The following MAP3K20 variants were observed in gnomAD, a reference collection of about 807,000 sequenced individuals.
The protein encoded by MAP3K20 is mitogen-activated protein kinase kinase kinase 20, also known as HCCS-4.
MAP3K20 carries 40 observed loss-of-function variants against 85.7 expected under a neutral mutation model. That is an observed-to-expected ratio of 0.47 (90% CI 0.36 to 0.61). The LOEUF (loss-of-function observed/expected upper bound fraction) is 0.61, where lower values mean the gene tolerates loss of function less well. MAP3K20 is among the 20% of genes least tolerant of loss of function. The pLI, the probability that MAP3K20 is intolerant of heterozygous loss-of-function variation, is 0.00. For missense variants in MAP3K20, 817 were observed against 961.7 expected (o/e 0.85, Z 1.99); for synonymous variants, 325 against 327.7 (o/e 0.99, Z 0.09).
chr2:173,263,603 T>C (rs1685345712), intron 18 of MAP3K20, 142 bp from the exon 19 acceptor site: 5 of 794,980 alleles, frequency 6.3e-6, no homozygotes, highest in South Asian at 3.8e-5. Context: ...TCCTAGTGCA[T>C]TATGATAGTG....
At chr2:173,237,735 G>A (rs1020620832) in intron 14 of MAP3K20, among the ~76,000 whole-genome samples, 1 of 152,202 alleles carries the variant, frequency 6.6e-6, no homozygotes, top group Non-Finnish European at 1.5e-5. Context: ...AAAGTCTGGT[G>A]TTATGTGCTG....
chr2:173,205,549 T>C (rs931570600), intron 9 of MAP3K20, among the ~76,000 whole-genome samples: 1 of 152,200 alleles, frequency 6.6e-6, no homozygotes, highest in East Asian at 1.9e-4. Flanking sequence ...AAGGGACCAG[T>C]GCCATGAAGC....
chr2:173,133,404 CAG>C (rs1248171094), intron 2 of MAP3K20, among the ~76,000 whole-genome samples: 1 of 152,068 alleles, frequency 6.6e-6, no homozygotes, highest in Non-Finnish European at 1.5e-5. Flanking sequence ...GAGTAGATGC[CAG>C]AGTTTGATTT....
intron 1 of MAP3K20, among the ~76,000 whole-genome samples, chr2:173,076,354 C>T (rs1686861590): frequency 2.0e-5 from 3 of 152,098 alleles, no homozygotes; most frequent in Admixed American, 6.5e-5. Context: ...TTCGCGGTCC[C>T]GGGCGTGCGG....
intron 18 of MAP3K20, among the ~76,000 whole-genome samples, chr2:173,263,134 G>C (rs1685333900): frequency 6.6e-6 from 1 of 152,156 alleles, no homozygotes; most frequent in South Asian, 2.1e-4. Flanking sequence ...GGAGATTTCA[G>C]AACAAGAAAG....
intron 2 of MAP3K20, among the ~76,000 whole-genome samples, chr2:173,102,736 T>C (rs1347898459): frequency 6.6e-6 from 1 of 152,176 alleles, no homozygotes; most frequent in Non-Finnish European, 1.5e-5. Context: ...AATCAGCTGA[T>C]CTCACGACAT....
intron 2 of MAP3K20, among the ~76,000 whole-genome samples, chr2:173,110,560 A>G (rs974794544): frequency 1.3e-5 from 2 of 151,942 alleles, no homozygotes; most frequent in Non-Finnish European, 2.9e-5. Context: ...GTAGTCTTCT[A>G]TCCCTTGCCC....
intron 10 of MAP3K20, among the ~76,000 whole-genome samples, chr2:173,213,116 G>C (rs1043998793): frequency 1.3e-5 from 2 of 151,976 alleles, no homozygotes; most frequent in African/African-American, 4.8e-5. Context: ...GTTATCACTG[G>C]GTAATGGGAT....
chr2:173,150,013 A>G (rs1263607043), intron 2 of MAP3K20, among the ~76,000 whole-genome samples: 1 of 152,232 alleles, frequency 6.6e-6, no homozygotes, highest in African/African-American at 2.4e-5. Flanking sequence ...GTTTTGAAAA[A>G]GAATAGTAGT....
intron 2 of MAP3K20, among the ~76,000 whole-genome samples, chr2:173,135,454 T>C (rs781092804): frequency 2.0e-5 from 3 of 152,178 alleles, no homozygotes; most frequent in Admixed American, 1.3e-4. Context: ...TAAGGATTGA[T>C]AGAGGATGAG....
At chr2:173,160,921 C>T (rs1401644813) in intron 2 of MAP3K20, among the ~76,000 whole-genome samples, 1 of 152,170 alleles carries the variant, frequency 6.6e-6, no homozygotes, top group Non-Finnish European at 1.5e-5. Context: ...GAAGCACCTA[C>T]CGTAGCTTTC....
chr2:173,100,204 G>T (rs1360511119), intron 2 of MAP3K20, among the ~76,000 whole-genome samples: 2 of 152,204 alleles, frequency 1.3e-5, no homozygotes, highest in African/African-American at 4.8e-5. Flanking sequence ...TGTAGCTGAT[G>T]CTGTCACTAG....
At chr2:173,165,568 ATC>A (rs2106245136) in intron 2 of MAP3K20, among the ~76,000 whole-genome samples, 1 of 152,356 alleles carries the variant, frequency 6.6e-6, no homozygotes, top group South Asian at 2.1e-4. Flanking sequence ...CTGATCACTC[ATC>A]TCTGCAAAAA....
chr2:173,075,527 C>T (rs75407055), upstream of MAP3K20: 5,351 of 156,856 alleles, frequency 0.034, 126 homozygotes, highest in Admixed American at 0.069. Flanking sequence ...ACAAAACAGC[C>T]TCTATTTCTT....
rs1683860243 is a variant in MAP3K20 at position 173,210,658 on chromosome 2, C to G, written c.851+823C>G. On this transcript the variant is annotated intron_variant, in intron 10 of 19. Coordinates refer to ENST00000375213, the MANE Select transcript of MAP3K20 (RefSeq NM_016653.3). Reference sequence around the variant, plus strand: ...AGGATGAAACATTTGAGCCAGGTCACATGATGCATGACTATAAATAGCATG... The same window carrying G: ...AGGATGAAACATTTGAGCCAGGTCAGATGATGCATGACTATAAATAGCATG... 3 of 152,168 alleles carry G rather than the reference C, an allele frequency of 2.0e-5. No individual in the cohort carries two copies. The South Asian group carries it at 6.2e-4, about 31-fold the overall frequency. 9.4% of individuals were successfully genotyped at this position (152,168 alleles called of 1,614,324 possible).
intron 9 of MAP3K20, among the ~76,000 whole-genome samples, chr2:173,208,179 C>A (rs1473519923): frequency 6.6e-6 from 1 of 151,930 alleles, no homozygotes; most frequent in Non-Finnish European, 1.5e-5. Flanking sequence ...GCAGGAAGAT[C>A]ACTTGGGACA....
intron 2 of MAP3K20, among the ~76,000 whole-genome samples, chr2:173,103,676 A>G (rs1687699536): frequency 6.6e-6 from 1 of 152,222 alleles, no homozygotes; most frequent in South Asian, 2.1e-4. Flanking sequence ...TCTCTATTCA[A>G]GCCTACTGCT....
chr2:173,103,324 A>T (rs1252049562), intron 2 of MAP3K20, among the ~76,000 whole-genome samples: 4 of 152,192 alleles, frequency 2.6e-5, no homozygotes, highest in African/African-American at 9.6e-5. Context: ...TAAGGCCAGG[A>T]CACCTCTCTC....
chr2:173,097,084 T>C (rs947673601), intron 2 of MAP3K20, among the ~76,000 whole-genome samples: 1 of 152,194 alleles, frequency 6.6e-6, no homozygotes, highest in Non-Finnish European at 1.5e-5. Context: ...TGTTAACTTT[T>C]GAAAACAATT....
Sources: gnomAD v4.1 joint callset for allele counts (sites outside exome capture counted in the v4.1 genomes callset) on GRCh38, gnomAD v4.1.1 for gene constraint, MANE v1.5 for transcripts, NCBI Gene and HGNC (gene_info 2026-07-23, HGNC 2026-07-21) for gene names.